The following ZBTB2 variants were observed in gnomAD, a reference collection of about 807,000 sequenced individuals.
ZBTB2 encodes the protein zinc finger and BTB domain-containing protein 2.
Under a neutral mutation model 39.5 loss-of-function variants are expected in ZBTB2, and 2 were observed. The ratio of observed to expected loss-of-function variants is 0.05; its 90% CI spans 0.02 to 0.16. The LOEUF (loss-of-function observed/expected upper bound fraction) is 0.16, where lower values mean the gene tolerates loss of function less well. Ranked by LOEUF, ZBTB2 falls within the 10% of genes least tolerant of loss-of-function variation. The pLI is 1.00. For missense variants in ZBTB2, 391 were observed against 653.0 expected (o/e 0.60, Z 4.37); for synonymous variants, 251 against 256.6 (o/e 0.98, Z 0.21).
intron 1 of ZBTB2, among the ~76,000 whole-genome samples, chr6:151,380,422 G>A (rs1382425724): frequency 2.0e-5 from 3 of 152,094 alleles, no homozygotes; most frequent in Non-Finnish European, 4.4e-5. Context: ...TTCTCATCAC[G>A]GCTTCCCTTC....
At chr6:151,386,670 G>A (rs767700442) in intron 1 of ZBTB2, among the ~76,000 whole-genome samples, 16 of 152,164 alleles carry the variant, frequency 1.1e-4, no homozygotes, top group Non-Finnish European at 1.6e-4. Flanking sequence ...GTAGTTCAGG[G>A]TATATAACAC....
At chr6:151,389,273 AG>A (rs1269510608) in intron 1 of ZBTB2, among the ~76,000 whole-genome samples, 4 of 152,064 alleles carry the variant, frequency 2.6e-5, no homozygotes, top group African/African-American at 9.7e-5. Context: ...AAAGGAAAAA[AG>A]AAAAAAGAAA....
In ZBTB2 at chr6:151,391,452, G is replaced by C. The variant is rs1334030376; in HGVS notation, c.-45C>G. 1 of 152,064 alleles carries C rather than the reference G, an allele frequency of 6.6e-6. No individual in the cohort carries two copies. The highest frequency in any genetic ancestry group is 1.5e-5 in the Non-Finnish European group (1 of 67,926). 9.4% of individuals were successfully genotyped at this position (152,064 alleles called of 1,614,324 possible). On this transcript the variant is annotated 5_prime_UTR_variant, in exon 1 of 3. Transcript: ENST00000325144. ...CGGTGCTGCTGCGGCGGGGGGTGTG[G>C]AGGAGGCGCCTCTGGGCAGCCTCGG... is the stretch of plus-strand genomic sequence containing the variant.
Position 151,364,721 on chromosome 6 carries a change from C to T in ZBTB2, c.*800G>A, listed in dbSNP as rs931569852. 3 of 152,244 alleles carry T rather than the reference C, an allele frequency of 2.0e-5. No homozygotes were observed. The highest frequency in any genetic ancestry group is 2.9e-5 in the Non-Finnish European group (2 of 68,042). The allele number at this position is 152,244 out of a possible 1,614,324, so 9.4% of individuals were successfully genotyped here. A position where few individuals can be genotyped will look rare whatever the true frequency, so the allele number is the denominator to read the frequency against. ...CAGAAAGGCAATTTATAGAATAGTA[C>T]ATTCAAATTTGATTTTTAAAACAAA... is the stretch of plus-strand genomic sequence containing the variant. On this transcript the variant is annotated 3_prime_UTR_variant, in exon 3 of 3. Transcript: ENST00000325144.
intron 1 of ZBTB2, chr6:151,378,178 G>A (rs961313088): frequency 6.6e-6 from 1 of 152,106 alleles, no homozygotes; most frequent in Non-Finnish European, 1.5e-5. Context: ...GGCAGATTCA[G>A]AAATTAACAA....
intron 1 of ZBTB2, among the ~76,000 whole-genome samples, chr6:151,384,420 A>T (rs1258930980): frequency 6.6e-6 from 1 of 152,228 alleles, no homozygotes. Flanking sequence ...TAGAGGAGAC[A>T]ACTGCTAGTG....
At chr6:151,383,766 G>GACAC (rs141632666) in intron 1 of ZBTB2, among the ~76,000 whole-genome samples, 1 of 151,522 alleles carries the variant, frequency 6.6e-6, no homozygotes, top group Non-Finnish European at 1.5e-5. Flanking sequence ...CAGACAGGCA[G>GACAC]ACACACACAC....
At chr6:151,370,649 A>G (rs1778770260) in intron 2 of ZBTB2, among the ~76,000 whole-genome samples, 1 of 152,194 alleles carries the variant, frequency 6.6e-6, no homozygotes, top group South Asian at 2.1e-4. Flanking sequence ...AGGGACATCT[A>G]GTGGTAACTA....
In ZBTB2 at chr6:151,366,336, T is replaced by C. The variant is rs556446677; in HGVS notation, c.730A>G (p.Met244Val). Residue 244 changes from methionine to valine, a missense_variant, in exon 3 of 3, where the codon ATG becomes GTG. Physicochemically the swap from Met to Val is conservative, Grantham distance 21 (BLOSUM62 1). Coordinates refer to ENST00000325144, the MANE Select transcript of ZBTB2 (RefSeq NM_020861.3). The surrounding 1 kb of genome is among the most constrained non-coding windows in gnomAD (Gnocchi z 7.1). Reference protein sequence around the residue: ...LTIAHVKPSIMKRNGSFPKYY... With the variant: ...LTIAHVKPSIVKRNGSFPKYY... ...TTTGGAAAGCTCCCATTCCTCTTCA[T>C]GATGCTTGGCTTGACGTGGGCTATT... The C allele has an allele frequency of 5.6e-6, 9 of 1,614,132 alleles. No individual in the cohort carries two copies. The highest frequency in any genetic ancestry group is 7.6e-6 in the Non-Finnish European group (9 of 1,180,018).
chr6:151,379,637 GAAAA>G (rs61085296), intron 1 of ZBTB2, among the ~76,000 whole-genome samples: 4 of 65,926 alleles, frequency 6.1e-5, no homozygotes, highest in Non-Finnish European at 5.8e-5. Context: ...GACCCTGTCT[GAAAA>G]AAAAAAAAAA....
intron 1 of ZBTB2, 65 bp from the exon 2 acceptor site, chr6:151,373,714 C>T (rs1778834669): frequency 1.4e-6 from 2 of 1,441,250 alleles, no homozygotes; most frequent in Non-Finnish European, 1.9e-6. Flanking sequence ...CCTTTATAGT[C>T]ACCAACAGTC....
intron 2 of ZBTB2, among the ~76,000 whole-genome samples, chr6:151,369,049 C>T (rs1778719324): frequency 1.3e-5 from 2 of 152,096 alleles, no homozygotes; most frequent in African/African-American, 4.8e-5. Context: ...AGGCATGAAC[C>T]ACCGCGCCTG....
intron 2 of ZBTB2, among the ~76,000 whole-genome samples, chr6:151,369,695 G>C (rs561318120): frequency 2.0e-5 from 3 of 152,188 alleles, no homozygotes; most frequent in African/African-American, 7.2e-5. Flanking sequence ...GGTGGAGGCT[G>C]GGCGCAGTGG....
At chr6:151,391,196 C>T (rs1024793346) in intron 1 of ZBTB2, among the ~76,000 whole-genome samples, 2 of 151,566 alleles carry the variant, frequency 1.3e-5, no homozygotes, top group African/African-American at 4.8e-5. Flanking sequence ...CGAGGCGCCC[C>T]TGCCCTCGCT....
intron 1 of ZBTB2, among the ~76,000 whole-genome samples, chr6:151,388,614 GC>G (rs2114884962): frequency 6.6e-6 from 1 of 152,142 alleles, no homozygotes; most frequent in East Asian, 1.9e-4. Context: ...CAATCCTCCA[GC>G]CTTGGCCTCC....
At chr6:151,381,252 G>T (rs906681167) in intron 1 of ZBTB2, among the ~76,000 whole-genome samples, 9 of 152,194 alleles carry the variant, frequency 5.9e-5, no homozygotes, top group African/African-American at 2.2e-4. Context: ...CGGGCACAGT[G>T]GCTCACGCCT....
Position 151,366,278 on chromosome 6 carries a change from A to T in ZBTB2, c.788T>A (p.Phe263Tyr). ...YYACHLCGRRFTLRSSLREHL... is the reference protein window; with the variant it reads ...YYACHLCGRRYTLRSSLREHL... ...TTCACGTAAGCTGCTCCGGAGAGTG[A>T]AGCGCCGTCCACACAGGTGGCAGGC... The change falls in exon 3 of 3, where the codon TTC (phenylalanine) becomes TAC (tyrosine). Residue 263 changes from phenylalanine (F) to tyrosine (Y), a missense_variant. By Grantham distance (22) the Phe-to-Tyr change is conservative. Transcript: ENST00000325144. The surrounding 1 kb of genome is among the most constrained non-coding windows in gnomAD (Gnocchi z 7.1). The T allele has an allele frequency of 6.2e-7, 1 of 1,614,014 alleles. No homozygotes were observed. Among genetic ancestry groups the T allele is most frequent in the Non-Finnish European group, 8.5e-7 (1 of 1,180,008 alleles).
intron 1 of ZBTB2, among the ~76,000 whole-genome samples, chr6:151,388,452 C>G (rs560938430): frequency 2.0e-5 from 3 of 152,248 alleles, no homozygotes; most frequent in Non-Finnish European, 4.4e-5. Flanking sequence ...GGGGAAAGCA[C>G]ATCCACTTAC....
chr6:151,377,197 C>T (rs1262702692), intron 1 of ZBTB2, among the ~76,000 whole-genome samples: 1 of 151,818 alleles, frequency 6.6e-6, no homozygotes, highest in African/African-American at 2.4e-5. Context: ...TATGGAAGGG[C>T]AACATGAGGG....
Sources: gnomAD v4.1 joint callset for allele counts (sites outside exome capture counted in the v4.1 genomes callset) on GRCh38, gnomAD v4.1.1 for gene constraint, Gnocchi (gnomAD v3.1) non-coding constraint, MANE v1.5 for transcripts, NCBI Gene and HGNC (gene_info 2026-07-23, HGNC 2026-07-21) for gene names.